The following CYP27C1 variants were observed in gnomAD, a reference collection of about 807,000 sequenced individuals.
The protein encoded by CYP27C1 is cytochrome P450 27C1.
A neutral mutation model predicts 40.6 loss-of-function variants in CYP27C1; 29 were observed. That is an observed-to-expected ratio of 0.71 (90% CI 0.53 to 0.97). The LOEUF (loss-of-function observed/expected upper bound fraction) is 0.97. Ranked by LOEUF, CYP27C1 falls within the 50% of genes least tolerant of loss-of-function variation. The probability of loss-of-function intolerance (pLI) is 0.00; values close to 1 mark genes in which losing one functional copy is unlikely to be tolerated. For missense variants in CYP27C1, 390 were observed against 485.8 expected (o/e 0.80, Z 1.85); for synonymous variants, 198 against 186.8 (o/e 1.06, Z -0.49).
intron 8 of CYP27C1, among the ~76,000 whole-genome samples, chr2:127,191,497 G>C (rs1355953928): frequency 6.6e-6 from 1 of 152,168 alleles, no homozygotes; most frequent in Non-Finnish European, 1.5e-5. Flanking sequence ...GGAGGGTGCA[G>C]TGGCTGCGGG....
At position 127,187,641 on chromosome 2, in the gene CYP27C1, A is replaced by G. The variant is rs568302902; in HGVS notation, c.1498-254T>C. ...CAGCTGGGCAGCCGGTGGGACAGAG[A>G]TGCAGGCAGATGCTCAGATGACTTA... On this transcript the variant is annotated intron_variant, in intron 8 of 8. Coordinates refer to ENST00000664447, the MANE Select transcript of CYP27C1 (RefSeq NM_001367502.1). Among the ~76,000 whole-genome samples the G allele has an allele frequency of 3.9e-5, 6 of 152,342 alleles. No homozygotes were observed. In the South Asian group the frequency reaches 6.2e-4, roughly 16 times the overall value.
intron 4 of CYP27C1, among the ~76,000 whole-genome samples, chr2:127,199,841 C>A (rs985251804): frequency 3.3e-5 from 5 of 152,148 alleles, no homozygotes; most frequent in African/African-American, 1.2e-4. Flanking sequence ...ATATGAGTAA[C>A]AAAATGCAAA....
Position 127,195,367 on chromosome 2 carries a change from C to T in CYP27C1, c.1182G>A (p.Pro394=), listed in dbSNP as rs150013191. The T allele has an allele frequency of 5.6e-6, 9 of 1,614,004 alleles. No homozygotes were observed. In the South Asian group the frequency reaches 6.6e-5, roughly 12 times the overall value. The change falls in exon 6 of 9, where the codon CCG becomes CCA. Residue 394 remains proline, a synonymous_variant. Coordinates refer to ENST00000664447, the MANE Select transcript of CYP27C1 (RefSeq NM_001367502.1). The surrounding 1 kb of genome is among the most constrained non-coding windows in gnomAD (Gnocchi z 6.2). ...TTTCCTTAAGGAGAGCTCTGACCAG[C>T]GGGACCTTGGGGACATCAGCTGCAG... ...VPTAADVPKV[P]LVRALLKETL...
chr2:127,201,193 C>G lies in CYP27C1; in HGVS notation c.812G>C (p.Arg271Thr), dbSNP rs765028737. 5.0e-6 allele frequency: 8 copies of G among 1,613,908 alleles called. No homozygotes were observed. Among genetic ancestry groups the G allele is most frequent in the Non-Finnish European group, 6.8e-6 (8 of 1,179,988 alleles). The change falls in exon 4 of 9, where the codon AGA becomes ACA. Residue 271 changes from arginine (R) to threonine (T), a missense_variant. Arg to Thr is a moderately conservative substitution (Grantham distance 71). Transcript: ENST00000664447. This position sits in a 1 kb window ranked among gnomAD's most constrained non-coding sequence, Gnocchi z 6.0. ...KTSMYAGAIP[R>T]WLRPFIPKPW... ...CTTTGGGATGAAGGGGCGAAGCCATCTGGGGATGGCGCCTGCATACATGGA... is the reference window on the plus strand; with the variant it reads ...CTTTGGGATGAAGGGGCGAAGCCATGTGGGGATGGCGCCTGCATACATGGA...
chr2:127,187,389 T>C lies in CYP27C1; in HGVS notation c.1498-2A>G. On this transcript the variant is annotated splice_acceptor_variant, in intron 8 of 8. Transcript: ENST00000664447. LOFTEE classifies it high-confidence loss of function. ...TTTGATCTCAAAATGTTGAAGCAAC[T>C]AAGAAGAGAAAGAGAGAGAAGGGGT... 6.2e-7 allele frequency: 1 copy of C among 1,612,998 alleles called. No homozygotes were observed. The highest frequency in any genetic ancestry group is 8.5e-7 in the Non-Finnish European group (1 of 1,178,986).
intron 8 of CYP27C1, among the ~76,000 whole-genome samples, chr2:127,187,672 C>G (rs949402930): frequency 6.6e-6 from 1 of 152,202 alleles, no homozygotes; most frequent in African/African-American, 2.4e-5. Flanking sequence ...ACTTAAGTTT[C>G]ACTTGCCATT....
At chr2:127,190,342 CTT>C (rs1241035422) in intron 8 of CYP27C1, among the ~76,000 whole-genome samples, 2,322 of 96,432 alleles carry the variant, frequency 0.024, 22 homozygotes, top group African/African-American at 0.096. Context: ...TTTTTTTTTT[CTT>C]TTTTTTTTTT....
Position 127,191,118 on chromosome 2 carries a change from G to T in CYP27C1, c.1497+1976C>A, listed in dbSNP as rs1573890620. On this transcript the variant is annotated intron_variant, in intron 8 of 8. Transcript: ENST00000664447. ...AAAAATTAGCTGGGCGTGGTGATGG[G>T]CACCTGTAATCTCAGCTACTCCAGA... 2.6e-5 allele frequency among the ~76,000 whole-genome samples: 4 copies of T among 151,698 alleles called. No homozygotes were observed. In the South Asian group the frequency reaches 8.4e-4, roughly 32 times the overall value.
intron 5 of CYP27C1, among the ~76,000 whole-genome samples, chr2:127,198,364 T>C (rs1170407463): frequency 6.6e-6 from 1 of 152,186 alleles, no homozygotes; most frequent in Admixed American, 6.5e-5. Context: ...GCCTGGAATA[T>C]TTTAAATGAT....
In CYP27C1 at chr2:127,187,162, C is replaced by CT; in HGVS notation, c.*108_*109insA. ...CCTGGGAGGCCAGTCTATAACAAGA[C>CT]AGCCTTTAGCGACATCGCTTTCCTT... is the stretch of plus-strand genomic sequence containing the variant. On this transcript the variant is annotated 3_prime_UTR_variant, in exon 9 of 9. Transcript: ENST00000664447. 1 of 880,892 alleles carries CT rather than the reference C, an allele frequency of 1.1e-6. No homozygotes were observed. The highest frequency in any genetic ancestry group is 1.8e-6 in the Non-Finnish European group (1 of 544,706). The allele number at this position is 880,892 out of a possible 1,614,324, so 54.6% of individuals were successfully genotyped here. A position where few individuals can be genotyped will look rare whatever the true frequency, so the allele number is the denominator to read the frequency against.
At chr2:127,189,168 G>GCCCCCCCCCC (rs34707287) in intron 8 of CYP27C1, among the ~76,000 whole-genome samples, 7 of 129,106 alleles carry the variant, frequency 5.4e-5, no homozygotes, top group African/African-American at 1.2e-4. Flanking sequence ...AAAAAACACT[G>GCCCCCCCCCC]CCCCCCCCCT....
At chr2:127,203,121 C>T (rs914213801) in intron 3 of CYP27C1, among the ~76,000 whole-genome samples, 2 of 151,460 alleles carry the variant, frequency 1.3e-5, no homozygotes, top group Non-Finnish European at 2.9e-5. Flanking sequence ...CGAGCCAAGA[C>T]CACATCATAG....
chr2:127,208,723 C>T lies in CYP27C1; in HGVS notation c.283-2633G>A, dbSNP rs1683281269. ...AGAGTTATCCCCACAGCTCAACACA[C>T]CAGCTGTGGCAGTTGGCAGCCAGAG... is the stretch of plus-strand genomic sequence containing the variant. On this transcript the variant is annotated intron_variant, in intron 1 of 8. Transcript: ENST00000664447. This position sits in a 1 kb window ranked among gnomAD's most constrained non-coding sequence, Gnocchi z 5.2. Among the ~76,000 whole-genome samples the T allele has an allele frequency of 6.6e-6, 1 of 152,204 alleles. No individual in the cohort carries two copies. The highest frequency in any genetic ancestry group is 2.4e-5 in the African/African-American group (1 of 41,460).
chr2:127,204,557 GAAAGAAAGAA>G (rs1273843778), intron 2 of CYP27C1, among the ~76,000 whole-genome samples: 136 of 40,628 alleles, frequency 3.3e-3, no homozygotes, highest in African/African-American at 8.4e-3. Flanking sequence ...GAGAGAGAGA[GAAAGAAAGAA>G]AGAAAGAAAG....
chr2:127,198,833 C>T lies in CYP27C1; in HGVS notation c.1047+543G>A, dbSNP rs75783942. ...GTGTAAATACACTCTAAGATGTTCA[C>T]GCAATGACAGGACCACCCAACAACG... On this transcript the variant is annotated intron_variant, in intron 5 of 8. Transcript: ENST00000664447. Among the ~76,000 whole-genome samples, 120 of 152,298 alleles carry T rather than the reference C, an allele frequency of 7.9e-4. 1 individual carries two copies. In the East Asian group the frequency reaches 0.017, roughly 21 times the overall value.
intron 2 of CYP27C1, among the ~76,000 whole-genome samples, 176 bp from the exon 3 acceptor site, chr2:127,203,747 C>T (rs1368516853): frequency 6.6e-6 from 1 of 151,950 alleles, no homozygotes; most frequent in Non-Finnish European, 1.5e-5. Context: ...TAACTGCAGC[C>T]CTGGAGCCTG....
intron 5 of CYP27C1, among the ~76,000 whole-genome samples, chr2:127,197,575 G>A (rs902844144): frequency 3.3e-5 from 5 of 152,130 alleles, no homozygotes; most frequent in Non-Finnish European, 7.3e-5. Flanking sequence ...GACAGGCAGG[G>A]TGTGCGTGCA....
Position 127,196,255 on chromosome 2 carries a change from G to T in CYP27C1, c.1048-754C>A, listed in dbSNP as rs1263116423. Among the ~76,000 whole-genome samples the T allele has an allele frequency of 1.5e-5, 1 of 67,950 alleles. No homozygotes were observed. The highest frequency in any genetic ancestry group is 2.8e-5 in the Non-Finnish European group (1 of 35,518). The allele number at this position is 67,950 out of a possible 152,430, so 44.6% of individuals were successfully genotyped here. A position where few individuals can be genotyped will look rare whatever the true frequency, so the allele number is the denominator to read the frequency against. ...TTTTTTGTATTTTTAGGAGAGACAGGATTTCACTGTTAGCCAGGATGGTCT... is the reference window on the plus strand; with the variant it reads ...TTTTTTGTATTTTTAGGAGAGACAGTATTTCACTGTTAGCCAGGATGGTCT... On this transcript the variant is annotated intron_variant, in intron 5 of 8. Coordinates refer to ENST00000664447, the MANE Select transcript of CYP27C1 (RefSeq NM_001367502.1). The surrounding 1 kb of genome is among the most constrained non-coding windows in gnomAD (Gnocchi z 4.5).
intron 8 of CYP27C1, among the ~76,000 whole-genome samples, chr2:127,190,666 G>A (rs1178081934): frequency 1.4e-5 from 2 of 148,144 alleles, no homozygotes; most frequent in Non-Finnish European, 3.0e-5. Flanking sequence ...AAAATCATGG[G>A]CCAAGCGTGC....
Sources: allele counts gnomAD v4.1 joint callset (sites outside exome capture counted in the v4.1 genomes callset), GRCh38; gene constraint gnomAD v4.1.1; non-coding constraint Gnocchi (gnomAD v3.1); transcripts MANE v1.5; gene names NCBI Gene and HGNC (gene_info 2026-07-23, HGNC 2026-07-21).